Variants in MAP4K3 observed in about 807,000 individuals in gnomAD.
MAP4K3 encodes the protein MAPK/ERK kinase kinase kinase 3.
Under a neutral mutation model 143.5 loss-of-function variants are expected in MAP4K3, and 94 were observed. The observed-to-expected ratio is 0.65, with a 90% CI of 0.55 to 0.78. The LOEUF is 0.78. Among genes scored for constraint, MAP4K3 ranks in the 30% least tolerant of loss-of-function variants. The pLI is 0.00. For missense variants in MAP4K3, 1,077 were observed against 1,068.1 expected (o/e 1.01, Z -0.12); for synonymous variants, 416 against 347.2 (o/e 1.20, Z -2.20).
At chr2:39,267,095 G>A (rs950002872) in intron 27 of MAP4K3, 94 bp downstream of exon 27, 35 of 1,181,730 alleles carry the variant, frequency 3.0e-5, no homozygotes, top group Non-Finnish European at 4.4e-5. Flanking sequence ...GAAAAATAAA[G>A]TATTGCTGGC....
At chr2:39,365,175 T>G (rs2148563555) in intron 2 of MAP4K3, among the ~76,000 whole-genome samples, 1 of 152,304 alleles carries the variant, frequency 6.6e-6, no homozygotes, top group South Asian at 2.1e-4. Context: ...AGAGTCAGGC[T>G]GGAATTCTGT....
chr2:39,305,210 C>T (rs879352410), intron 15 of MAP4K3, among the ~76,000 whole-genome samples: 1 of 151,926 alleles, frequency 6.6e-6, no homozygotes, highest in Non-Finnish European at 1.5e-5. Flanking sequence ...CAGTAAATTT[C>T]GTAATGTATA....
chr2:39,410,852 A>G (rs556774841), intron 1 of MAP4K3, among the ~76,000 whole-genome samples: 1 of 152,340 alleles, frequency 6.6e-6, no homozygotes, highest in African/African-American at 2.4e-5. Context: ...TCAAAGGCAC[A>G]TATGTCATAG....
At chr2:39,299,667 A>T (rs1682427213) in intron 16 of MAP4K3, 76 bp downstream of exon 16, 1 of 746,232 alleles carries the variant, frequency 1.3e-6, no homozygotes, top group Non-Finnish European at 2.1e-6. Context: ...TTTCTACCTT[A>T]AATATTAAAA....
In MAP4K3 at chr2:39,303,974, T is replaced by G. The variant is rs13414685; in HGVS notation, c.1119+3969A>C. 8.9e-3 allele frequency among the ~76,000 whole-genome samples: 1,350 copies of G among 152,342 alleles called. 29 individuals are homozygous for G. Among genetic ancestry groups the G allele is most frequent in the African/African-American group, 0.03 (1,243 of 41,572 alleles). ...GGATGTGTAATATAATCTTTTAATCTGCAGATAGCATTTTGCAGATCAGAC... is the reference window on the plus strand; with the variant it reads ...GGATGTGTAATATAATCTTTTAATCGGCAGATAGCATTTTGCAGATCAGAC... On this transcript the variant is annotated intron_variant, in intron 15 of 33. Transcript: ENST00000263881.
chr2:39,412,138 T>G (rs762241476), intron 1 of MAP4K3, among the ~76,000 whole-genome samples: 1 of 152,222 alleles, frequency 6.6e-6, no homozygotes, highest in African/African-American at 2.4e-5. Flanking sequence ...CTGCAATGAT[T>G]TGCCAAATAA....
At chr2:39,272,221 A>G in intron 26 of MAP4K3, 62 bp downstream of exon 26, 1 of 1,273,716 alleles carries the variant, frequency 7.9e-7, no homozygotes. Context: ...CACTTTCTGT[A>G]ACATAAATAT....
chr2:39,372,492 G>GAAAAAAAAA (rs556275987), intron 2 of MAP4K3, among the ~76,000 whole-genome samples: 1 of 123,210 alleles, frequency 8.1e-6, no homozygotes, highest in Admixed American at 8.2e-5. Context: ...CTATCCTAAG[G>GAAAAAAAAA]AAAAAAAAAA....
chr2:39,399,332 A>G (rs1319861215), intron 1 of MAP4K3, among the ~76,000 whole-genome samples: 1 of 152,244 alleles, frequency 6.6e-6, no homozygotes, highest in Non-Finnish European at 1.5e-5. Flanking sequence ...CAGCCAGTTC[A>G]GTGCAGGTCA....
At chr2:39,400,367 T>C (rs1666920722) in intron 1 of MAP4K3, among the ~76,000 whole-genome samples, 1 of 152,238 alleles carries the variant, frequency 6.6e-6, no homozygotes, top group Non-Finnish European at 1.5e-5. Context: ...TATTTTAAAG[T>C]ACTGCTAAAT....
At chr2:39,434,629 T>C (rs780046092) in intron 1 of MAP4K3, among the ~76,000 whole-genome samples, 1 of 152,242 alleles carries the variant, frequency 6.6e-6, no homozygotes, top group Non-Finnish European at 1.5e-5. Context: ...TATCTGCCCA[T>C]CTCCTATCTT....
intron 15 of MAP4K3, among the ~76,000 whole-genome samples, chr2:39,303,407 AATAAT>A (rs1293887407): frequency 3.3e-5 from 5 of 152,288 alleles, no homozygotes; most frequent in African/African-American, 9.6e-5. Flanking sequence ...CTGAAAATGG[AATAAT>A]ATGACTTTTG....
intron 2 of MAP4K3, among the ~76,000 whole-genome samples, chr2:39,367,859 C>G (rs1665967404): frequency 6.6e-6 from 1 of 152,168 alleles, no homozygotes. Flanking sequence ...TATATCTGTG[C>G]TTTGTACATA....
At chr2:39,275,932 G>C (rs1681229064) in intron 24 of MAP4K3, among the ~76,000 whole-genome samples, 1 of 152,062 alleles carries the variant, frequency 6.6e-6, no homozygotes, top group Non-Finnish European at 1.5e-5. Flanking sequence ...GAGTGCAGTG[G>C]CGTGATCTCG....
chr2:39,326,423 G>T (rs1474376035), intron 8 of MAP4K3, 146 bp from the exon 9 acceptor site: 4 of 736,966 alleles, frequency 5.4e-6, no homozygotes, highest in Non-Finnish European at 6.5e-6. Context: ...GTACTTAAAA[G>T]GTCCACCTTT....
chr2:39,395,919 C>A (rs187095912), intron 1 of MAP4K3, among the ~76,000 whole-genome samples: 3 of 150,868 alleles, frequency 2.0e-5, no homozygotes, highest in Non-Finnish European at 4.4e-5. Flanking sequence ...AAGACTAGAG[C>A]TGTTAAAAAG....
chr2:39,436,115 T>A (rs1665462573), intron 1 of MAP4K3, among the ~76,000 whole-genome samples: 1 of 151,872 alleles, frequency 6.6e-6, no homozygotes, highest in Non-Finnish European at 1.5e-5. Flanking sequence ...AGGCCAAGAG[T>A]TGAGTTGGCC....
chr2:39,390,196 A>T (rs1348611543), intron 1 of MAP4K3, among the ~76,000 whole-genome samples: 1 of 152,170 alleles, frequency 6.6e-6, no homozygotes, highest in Non-Finnish European at 1.5e-5. Flanking sequence ...ACTGGGGATG[A>T]TAATAGTATT....
chr2:39,263,334 G>A (rs1436130419), intron 28 of MAP4K3, among the ~76,000 whole-genome samples: 4 of 148,010 alleles, frequency 2.7e-5, no homozygotes, highest in South Asian at 2.1e-4. Context: ...GTGCAGTGGC[G>A]CAATCTCGGC....
Sources: gnomAD v4.1 joint callset for allele counts (sites outside exome capture counted in the v4.1 genomes callset) on GRCh38, gnomAD v4.1.1 for gene constraint, MANE v1.5 for transcripts, NCBI Gene and HGNC (gene_info 2026-07-23, HGNC 2026-07-21) for gene names.